The following SLC16A3 variants were observed in gnomAD, a reference collection of about 807,000 sequenced individuals.
SLC16A3 encodes solute carrier family 16 member 3.
Under a neutral mutation model 25.0 loss-of-function variants are expected in SLC16A3, and 22 were observed. The observed-to-expected ratio is 0.88, with a 90% CI of 0.63 to 1.26. The LOEUF is 1.26. Among genes scored for constraint, SLC16A3 ranks in the 50% most tolerant of loss-of-function variants. The pLI is 0.00. For synonymous variants in SLC16A3, 390 were observed against 309.2 expected (o/e 1.26, Z -2.74); for missense variants, 731 against 666.6 (o/e 1.10, Z -1.06).
rs753497380 is a variant in SLC16A3 at position 82,238,973 on chromosome 17, C to CTA, written c.1396_1397insAT (p.Ter466TyrfsTer51). The CTA allele has an allele frequency of 1.3e-6, 2 of 1,519,684 alleles. No homozygotes were observed. Among genetic ancestry groups the CTA allele is most frequent in the Non-Finnish European group, 1.8e-6 (2 of 1,129,848 alleles). The allele number at this position is 1,519,684 out of a possible 1,614,324, so 94.1% of individuals were successfully genotyped here. A position where few individuals can be genotyped will look rare whatever the true frequency, so the allele number is the denominator to read the frequency against. ...TGGTTCACACCCCGGAAACAAGTGTCTGAGTGGCTGGGCGGGGCCGGCAGG... is the reference window on the plus strand; with the variant it reads ...TGGTTCACACCCCGGAAACAAGTGTCTATGAGTGGCTGGGCGGGGCCGGCAGG... On this transcript the variant is annotated frameshift_variant, in exon 5 of 5. Transcript: ENST00000582743. LOFTEE classifies it high-confidence loss of function.
At chr17:82,233,209 C>T (rs920357995) in intron 1 of SLC16A3, among the ~76,000 whole-genome samples, 2 of 152,234 alleles carry the variant, frequency 1.3e-5, no homozygotes, top group Admixed American at 6.5e-5. Context: ...GGACACCAGG[C>T]TGGAGTGGGA....
chr17:82,239,830 C>G lies in SLC16A3; in HGVS notation c.*854C>G, dbSNP rs921963516. 3.3e-5 allele frequency: 14 copies of G among 424,690 alleles called. No individual in the cohort carries two copies. Among genetic ancestry groups the G allele is most frequent in the Middle Eastern group, 5.9e-4 (1 of 1,682 alleles). 26.3% of individuals were successfully genotyped at this position (424,690 alleles called of 1,614,324 possible). A position where few individuals can be genotyped will look rare whatever the true frequency, so the allele number is the denominator to read the frequency against. On this transcript the variant is annotated 3_prime_UTR_variant, in exon 5 of 5. Transcript: ENST00000582743. Reference sequence around the variant, plus strand: ...TGGCTGGCAGTGTGCGTGGTGTGGTCAGTGCCCAGGGCTGGTCTTTGCACC... The same window carrying G: ...TGGCTGGCAGTGTGCGTGGTGTGGTGAGTGCCCAGGGCTGGTCTTTGCACC...
chr17:82,236,897 G>T (rs749654034), intron 3 of SLC16A3, 25 bp downstream of exon 3: 2 of 1,600,236 alleles, frequency 1.2e-6, no homozygotes, highest in South Asian at 1.1e-5. Flanking sequence ...CCGGTGGGCC[G>T]CACGTGCCAG....
chr17:82,228,767 G>T (rs1464360388), upstream of SLC16A3, among the ~76,000 whole-genome samples: 1 of 152,014 alleles, frequency 6.6e-6, no homozygotes, highest in African/African-American at 2.4e-5. Context: ...GACTCCGGGG[G>T]AGGCGAGGCC....
chr17:82,236,373 G>A, intron 2 of SLC16A3, 142 bp downstream of exon 2: 1 of 802,296 alleles, frequency 1.2e-6, no homozygotes, highest in Non-Finnish European at 2.0e-6. Context: ...CCAGGATCCT[G>A]CTGGGCAGCA....
At position 82,233,349 on chromosome 17, in the gene SLC16A3, C is replaced by T. The variant is rs180771510; in HGVS notation, c.-26-2634C>T. Reference sequence around the variant, plus strand: ...CAGAAGATGGCCCTCCCCACATGAGCGTCACGTGGAAGCCACAAGCACCTC... The same window carrying T: ...CAGAAGATGGCCCTCCCCACATGAGTGTCACGTGGAAGCCACAAGCACCTC... On this transcript the variant is annotated intron_variant, in intron 1 of 4. Transcript: ENST00000582743. Among the ~76,000 whole-genome samples the T allele has an allele frequency of 1.5e-3, 222 of 152,298 alleles. 1 individual carries two copies. The highest frequency in any genetic ancestry group is 2.4e-3 in the Non-Finnish European group (166 of 68,020).
upstream of SLC16A3, among the ~76,000 whole-genome samples, chr17:82,227,270 C>T (rs2050428969): frequency 6.6e-6 from 1 of 152,086 alleles, no homozygotes; most frequent in Non-Finnish European, 1.5e-5. Context: ...AGTGAGGTCC[C>T]AGGCTCTCTG....
upstream of SLC16A3, among the ~76,000 whole-genome samples, chr17:82,227,891 A>C (rs1204804691): frequency 6.6e-6 from 1 of 152,154 alleles, no homozygotes; most frequent in Non-Finnish European, 1.5e-5. Flanking sequence ...ACATAGAAAG[A>C]ACAGGCGGCC....
rs747986285 is a variant in SLC16A3, at chr17:82,237,288, G to A, written c.518G>A (p.Arg173His). The change falls in exon 4 of 5, where the codon CGC (arginine) becomes CAC (histidine). Residue 173 changes from arginine to histidine, a missense_variant. Coordinates refer to ENST00000582743, the MANE Select transcript of SLC16A3 (RefSeq NM_004207.4). ...CCGCTGGGGCAGCTGCTGCAGGACCGCTACGGCTGGCGGGGCGGCTTCCTC... is the reference window on the plus strand; with the variant it reads ...CCGCTGGGGCAGCTGCTGCAGGACCACTACGGCTGGCGGGGCGGCTTCCTC... ...LSPLGQLLQDRYGWRGGFLIL... is the reference protein window; with the variant it reads ...LSPLGQLLQDHYGWRGGFLIL... 5.1e-6 allele frequency: 8 copies of A among 1,560,976 alleles called. No individual in the cohort carries two copies. The highest frequency in any genetic ancestry group is 1.9e-5 in the Admixed American group (1 of 52,904).
At chr17:82,228,071 G>A (rs1210186331), upstream of SLC16A3, among the ~76,000 whole-genome samples, 1 of 152,208 alleles carries the variant, frequency 6.6e-6, no homozygotes, top group Non-Finnish European at 1.5e-5. Flanking sequence ...GGTCCCCGAA[G>A]CCCCCGGGTC....
At chr17:82,220,818 TTA>T (rs2050384716) in intron 1 of SLC16A3, among the ~76,000 whole-genome samples, 1 of 151,980 alleles carries the variant, frequency 6.6e-6, no homozygotes, top group East Asian at 1.9e-4. Context: ...ATTAATTAAT[TTA>T]ATTTATTTAT....
chr17:82,227,057 G>C (rs907439996), upstream of SLC16A3, among the ~76,000 whole-genome samples: 3 of 152,104 alleles, frequency 2.0e-5, no homozygotes, highest in Non-Finnish European at 4.4e-5. Context: ...GGGCAGGGAG[G>C]CTCCACCCCA....
upstream of SLC16A3, among the ~76,000 whole-genome samples, chr17:82,227,791 T>C (rs573253862): frequency 7.9e-5 from 12 of 152,066 alleles, no homozygotes; most frequent in Non-Finnish European, 1.6e-4. Flanking sequence ...CATCTTGATG[T>C]TTGGGGATGG....
chr17:82,237,068 G>A (rs1249585844), intron 3 of SLC16A3, 70 bp from the exon 4 acceptor site: 12 of 1,462,148 alleles, frequency 8.2e-6, no homozygotes, highest in African/African-American at 1.4e-5. Context: ...TGGGAACCTG[G>A]GGGCAGAGAT....
intron 1 of SLC16A3, chr17:82,232,478 G>A (rs2050513404): frequency 6.6e-6 from 1 of 152,454 alleles, no homozygotes; most frequent in African/African-American, 2.4e-5. Flanking sequence ...GGCAGCAGGG[G>A]TCAGGTTCAG....
Position 82,237,394 on chromosome 17 carries a change from G to C in SLC16A3, c.624G>C (p.Ser208=), listed in dbSNP as rs61745819. The change falls in exon 4 of 5, where the codon TCG becomes TCC. Residue 208 remains serine (S), a synonymous_variant. Transcript: ENST00000582743. ...RPLVVTAQPG[S]GPPRPSRRLL... is the part of the protein sequence containing the mutation. ...TGGTGGTCACGGCCCAGCCGGGCTC[G>C]GGGCCGCCGCGACCCTCCCGGCGCC... 10 of 1,552,542 alleles carry C rather than the reference G, an allele frequency of 6.4e-6. No homozygotes were observed. In the Admixed American group the frequency reaches 7.6e-5, roughly 12 times the overall value.
chr17:82,238,028 T>A (rs1372728697), intron 4 of SLC16A3, 135 bp downstream of exon 4: 1 of 1,039,744 alleles, frequency 9.6e-7, no homozygotes, highest in Non-Finnish European at 1.4e-6. Context: ...TGCACTGTGC[T>A]GGACCAACCC....
chr17:82,238,753 G>A lies in SLC16A3; in HGVS notation c.1175G>A (p.Gly392Glu). ...TACATGTACGTGTTCATCCTGGCGG[G>A]GGCCGAGGTGCTCACCTCCTCCCTG... ...HVYMYVFILAGAEVLTSSLIL... is the reference protein window; with the variant it reads ...HVYMYVFILAEAEVLTSSLIL... The change falls in exon 5 of 5, where the codon GGG (glycine) becomes GAG (glutamate). Residue 392 changes from glycine (G) to glutamate (E), a missense_variant. Gly to Glu is a moderately conservative substitution (Grantham distance 98, BLOSUM62 -2). Transcript: ENST00000582743. 1 of 1,612,572 alleles carries A rather than the reference G, an allele frequency of 6.2e-7. No homozygotes were observed. The highest frequency in any genetic ancestry group is 8.5e-7 in the Non-Finnish European group (1 of 1,179,908).
chr17:82,236,955 G>A, intron 3 of SLC16A3, 83 bp downstream of exon 3: 1 of 1,555,516 alleles, frequency 6.4e-7, no homozygotes, highest in Non-Finnish European at 8.7e-7. Context: ...GGCCTCTGGA[G>A]GACAGCAGGG....
Sources: gnomAD v4.1 joint callset for allele counts (sites outside exome capture counted in the v4.1 genomes callset) on GRCh38, gnomAD v4.1.1 for gene constraint, MANE v1.5 for transcripts, NCBI Gene and HGNC (gene_info 2026-07-23, HGNC 2026-07-21) for gene names.